The following RNF180 variants were observed in gnomAD, a reference collection of about 807,000 sequenced individuals.
RNF180 encodes ring finger protein 180, also known as E3 ubiquitin-protein ligase RNF180.
RNF180 carries 38 observed loss-of-function variants against 59.2 expected under a neutral mutation model. The ratio of observed to expected loss-of-function variants is 0.64; its 90% CI spans 0.50 to 0.84. The LOEUF is 0.84. RNF180 is among the 40% of genes least tolerant of loss of function. The pLI is 0.00. For synonymous variants in RNF180, 262 were observed against 240.3 expected (o/e 1.09, Z -0.84); for missense variants, 705 against 700.9 (o/e 1.01, Z -0.07).
intron 3 of RNF180, among the ~76,000 whole-genome samples, 198 bp from the exon 4 acceptor site, chr5:64,213,360 T>G (rs1245455467): frequency 6.6e-6 from 1 of 152,190 alleles, no homozygotes; most frequent in East Asian, 1.9e-4. Context: ...GTTATCATTC[T>G]AGAACTTTGG....
chr5:64,330,929 T>C (rs1230818340), intron 7 of RNF180, among the ~76,000 whole-genome samples: 1 of 152,196 alleles, frequency 6.6e-6, no homozygotes, highest in Non-Finnish European at 1.5e-5. Flanking sequence ...CTTGTACTCT[T>C]GGGGACTGGG....
At chr5:64,186,198 T>C (rs1750866407) in intron 1 of RNF180, among the ~76,000 whole-genome samples, 1 of 152,168 alleles carries the variant, frequency 6.6e-6, no homozygotes, top group African/African-American at 2.4e-5. Context: ...GCCAAGTCAG[T>C]GTGCTTGTCT....
chr5:64,239,579 T>C (rs1291433060), intron 5 of RNF180, among the ~76,000 whole-genome samples: 2 of 152,168 alleles, frequency 1.3e-5, no homozygotes, highest in African/African-American at 4.8e-5. Context: ...AGCTGTTGTA[T>C]TGATTATGGC....
At position 64,325,289 on chromosome 5, in the gene RNF180, T is replaced by C. The variant is rs1371720821; in HGVS notation, c.1331T>C (p.Met444Thr). ...VCLDVYFNPY[M>T]CYPCHHIFCE... ...CTGGACGTTTATTTCAACCCTTATA[T>C]GTGTTACCCTTGCCATCACATCTTC... is the stretch of plus-strand genomic sequence containing the variant. Residue 444 changes from methionine to threonine, a missense_variant, in exon 6 of 8, where the codon ATG (methionine) becomes ACG (threonine). Coordinates refer to ENST00000389100, the MANE Select transcript of RNF180 (RefSeq NM_001113561.2). 3.9e-6 allele frequency: 6 copies of C among 1,551,458 alleles called. No homozygotes were observed. In the African/African-American group the frequency reaches 4.1e-5, roughly 11 times the overall value.
chr5:64,301,672 G>A (rs944619658), intron 5 of RNF180, among the ~76,000 whole-genome samples: 1 of 149,654 alleles, frequency 6.7e-6, no homozygotes. Context: ...AAATGTCTTA[G>A]TCATATATTT....
intron 7 of RNF180, among the ~76,000 whole-genome samples, chr5:64,358,297 G>A (rs568622380): frequency 5.3e-5 from 8 of 151,918 alleles, no homozygotes; most frequent in Non-Finnish European, 8.8e-5. Context: ...AACAACACAC[G>A]TAACTTTCAT....
At position 64,289,867 on chromosome 5, in the gene RNF180, GT is replaced by G. The variant is rs914690632; in HGVS notation, c.1228-35311del. Among the ~76,000 whole-genome samples the G allele has an allele frequency of 9.2e-5, 14 of 151,636 alleles. 1 individual carries two copies. Among genetic ancestry groups the G allele is most frequent in the African/African-American group, 2.9e-4 (12 of 41,398 alleles). On this transcript the variant is annotated intron_variant, in intron 5 of 7. Transcript: ENST00000389100. Reference sequence around the variant, plus strand: ...TGGATTTGTTTATTTTTTTTGAAAGGTTTTTTTTATGTCTGTCTCCTTCAGC... The same window carrying G: ...TGGATTTGTTTATTTTTTTTGAAAGGTTTTTTTATGTCTGTCTCCTTCAGC...
intron 5 of RNF180, among the ~76,000 whole-genome samples, chr5:64,269,833 G>A (rs1744906073): frequency 6.6e-6 from 1 of 152,062 alleles, no homozygotes; most frequent in African/African-American, 2.4e-5. Context: ...GCATGTATTT[G>A]AAATTTTGGC....
At chr5:64,298,503 G>T (rs1391847225) in intron 5 of RNF180, among the ~76,000 whole-genome samples, 1 of 151,956 alleles carries the variant, frequency 6.6e-6, no homozygotes, top group Non-Finnish European at 1.5e-5. Context: ...ACTCCTTTAT[G>T]CAGTGAAACT....
Position 64,170,063 on chromosome 5 carries a change from C to T in RNF180, c.-1+4110C>T, listed in dbSNP as rs7702203. On this transcript the variant is annotated intron_variant, in intron 1 of 7. Transcript: ENST00000389100. ...TTTTTAGCCCACATTGACCCTTCAT[C>T]CTCTACCTGTCAAGGCATGAGGTTG... 4.7e-3 allele frequency among the ~76,000 whole-genome samples: 709 copies of T among 152,326 alleles called. 5 individuals carry two copies. Among genetic ancestry groups the T allele is most frequent in the African/African-American group, 0.016 (684 of 41,576 alleles).
chr5:64,185,403 A>G (rs1750820136), intron 1 of RNF180, among the ~76,000 whole-genome samples: 1 of 152,202 alleles, frequency 6.6e-6, no homozygotes, highest in Non-Finnish European at 1.5e-5. Context: ...TGTAATTATG[A>G]GTAAATTAAG....
intron 5 of RNF180, among the ~76,000 whole-genome samples, chr5:64,303,787 A>G (rs1171765930): frequency 6.6e-6 from 1 of 151,686 alleles, no homozygotes; most frequent in Non-Finnish European, 1.5e-5. Context: ...TAGAAGGTCT[A>G]GCTAAGATCA....
At chr5:64,360,084 G>A (rs1421191912) in intron 7 of RNF180, among the ~76,000 whole-genome samples, 4 of 151,868 alleles carry the variant, frequency 2.6e-5, no homozygotes, top group African/African-American at 9.7e-5. Flanking sequence ...CTCCAGCTTT[G>A]TTCTATTGGC....
intron 1 of RNF180, among the ~76,000 whole-genome samples, chr5:64,177,499 G>A (rs1381682051): frequency 8.6e-6 from 1 of 116,768 alleles, no homozygotes; most frequent in African/African-American, 3.1e-5. Flanking sequence ...TCTCTATCTA[G>A]ATTTTTTTCA....
chr5:64,216,046 T>G (rs1403583526), intron 4 of RNF180, among the ~76,000 whole-genome samples: 1 of 152,066 alleles, frequency 6.6e-6, no homozygotes, highest in Non-Finnish European at 1.5e-5. Flanking sequence ...ATGATATAGC[T>G]TAATTGATCA....
chr5:64,182,689 C>T (rs937523265), intron 1 of RNF180, among the ~76,000 whole-genome samples: 12 of 152,208 alleles, frequency 7.9e-5, no homozygotes, highest in South Asian at 2.1e-4. Flanking sequence ...TAAGTTTATA[C>T]GAGAATAAGT....
chr5:64,327,705 G>C (rs1744711580), intron 6 of RNF180, among the ~76,000 whole-genome samples: 1 of 152,112 alleles, frequency 6.6e-6, no homozygotes, highest in Non-Finnish European at 1.5e-5. Context: ...GCCAACCCTA[G>C]AGAATGGTCC....
chr5:64,189,509 T>C (rs980049988), intron 1 of RNF180, among the ~76,000 whole-genome samples: 2 of 152,120 alleles, frequency 1.3e-5, no homozygotes, highest in Non-Finnish European at 2.9e-5. Flanking sequence ...CTTGGCTGAA[T>C]TGTATTCTAG....
In RNF180 at chr5:64,177,565, A is replaced by G. The variant is rs867149468; in HGVS notation, c.-1+11612A>G. On this transcript the variant is annotated intron_variant, in intron 1 of 7. Coordinates refer to ENST00000389100, the MANE Select transcript of RNF180 (RefSeq NM_001113561.2). Reference sequence around the variant, plus strand: ...TATATATATATATATATATATATATATGTATTTATTTCTTTCCTGAGTCAT... The same window carrying G: ...TATATATATATATATATATATATATGTGTATTTATTTCTTTCCTGAGTCAT... Among the ~76,000 whole-genome samples the G allele has an allele frequency of 9.7e-3, 1,246 of 128,064 alleles. 25 individuals carry two copies. Among genetic ancestry groups the G allele is most frequent in the African/African-American group, 0.036 (1,184 of 33,350 alleles). The allele number at this position is 128,064 out of a possible 152,430, so 84.0% of individuals were successfully genotyped here.
Sources: allele counts gnomAD v4.1 joint callset (sites outside exome capture counted in the v4.1 genomes callset), GRCh38; gene constraint gnomAD v4.1.1; transcripts MANE v1.5; gene names NCBI Gene and HGNC (gene_info 2026-07-23, HGNC 2026-07-21).